Variants in TECR observed in about 807,000 individuals in gnomAD.
TECR encodes very-long-chain enoyl-CoA reductase.
Under a neutral mutation model 50.6 loss-of-function variants are expected in TECR, and 19 were observed. That is an observed-to-expected ratio of 0.38 (90% confidence interval 0.26 to 0.55). The LOEUF is 0.55. Among genes scored for constraint, TECR ranks in the 20% least tolerant of loss-of-function variants. The pLI, the probability that TECR is intolerant of heterozygous loss-of-function variation, is 0.79. For missense variants in TECR, 313 were observed against 408.3 expected, an observed-to-expected ratio of 0.77 and a Z score of 2.01; for synonymous variants, 168 against 163.5, an observed-to-expected ratio of 1.03 and a Z score of -0.21.
At chr19:14,555,165 A>T (rs538368841) in intron 1 of TECR, among the ~76,000 whole-genome samples, 1 of 151,498 alleles carries the variant, frequency 6.6e-6, no homozygotes, top group South Asian at 2.1e-4. Flanking sequence ...TGCAGCCTGG[A>T]ACTCCTAGGC....
At chr19:14,562,712 T>C in intron 2 of TECR, 137 bp downstream of exon 2, 1 of 967,362 alleles carries the variant, frequency 1.0e-6, no homozygotes, top group Non-Finnish European at 1.6e-6. Flanking sequence ...TCACTTGGGG[T>C]AGGGTGGATA....
intron 7 of TECR, among the ~76,000 whole-genome samples, 200 bp downstream of exon 7, chr19:14,564,487 G>A (rs1220638867): frequency 1.4e-4 from 2 of 14,208 alleles, no homozygotes; most frequent in African/African-American, 5.4e-4. Flanking sequence ...CCCCGCCCCC[G>A]TCGGGCCCCT....
chr19:14,542,507 A>G (rs1223432557), intron 1 of TECR, among the ~76,000 whole-genome samples: 12 of 151,408 alleles, frequency 7.9e-5, no homozygotes, highest in African/African-American at 2.9e-4. Context: ...GATTACAGGC[A>G]TCCACCACCA....
chr19:14,565,834 C>T lies in TECR; in HGVS notation c.890C>T (p.Pro297Leu). 4.4e-6 allele frequency: 7 copies of T among 1,597,488 alleles called. No individual in the cohort carries two copies. The highest frequency in any genetic ancestry group is 6.0e-6 in the Non-Finnish European group (7 of 1,173,490). Residue 297 changes from proline (P) to leucine (L), a missense_variant, in exon 13 of 13, where the codon CCG becomes CTG. Physicochemically the swap from Pro to Leu is moderately conservative, Grantham distance 98 (BLOSUM62 -3). Coordinates refer to ENST00000215567, the MANE Select transcript of TECR (RefSeq NM_138501.6). The part of the protein sequence containing the change: ...RSYLKEFRDY[P>L]PLRMPIIPFL... ...TACCTGAAGGAGTTCCGGGACTACC[C>T]GCCCCTGCGCATGCCCATCATCCCC...
At chr19:14,562,126 G>T (rs1568427331) in intron 1 of TECR, 1 of 539,192 alleles carries the variant, frequency 1.9e-6, no homozygotes, top group African/African-American at 1.9e-5. Flanking sequence ...GAGAAGGTCT[G>T]TGGCATGGCT....
At chr19:14,546,724 G>C (rs894071679) in intron 1 of TECR, among the ~76,000 whole-genome samples, 2 of 151,988 alleles carry the variant, frequency 1.3e-5, no homozygotes, top group Admixed American at 1.3e-4. Flanking sequence ...TTGCTCTGTT[G>C]CCCTGGCTGG....
intron 1 of TECR, among the ~76,000 whole-genome samples, chr19:14,546,986 C>T (rs1244303437): frequency 1.3e-5 from 2 of 152,154 alleles, no homozygotes; most frequent in Non-Finnish European, 2.9e-5. Flanking sequence ...TGAGCCACTG[C>T]ACCCAGCCTA....
rs566772231 is a variant in TECR, at chr19:14,557,127, T to TTATGTATG, written c.16-5395_16-5394insGTATGTAT. On this transcript the variant is annotated intron_variant, in intron 1 of 12. Transcript: ENST00000215567. ...TGTTGGTCTAATCTTATTTATTTATTTATTTATTTATTTATTTATTTATTT... is the reference window on the plus strand; with the variant it reads ...TGTTGGTCTAATCTTATTTATTTATTTATGTATGTATTTATTTATTTATTTATTTATTT... Among the ~76,000 whole-genome samples the TTATGTATG allele has an allele frequency of 6.7e-5, 8 of 119,142 alleles. 1 individual carries two copies. The highest frequency in any genetic ancestry group is 4.9e-4 in the South Asian group (2 of 4,104). 78.2% of individuals were successfully genotyped at this position (119,142 alleles called of 152,430 possible).
intron 1 of TECR, among the ~76,000 whole-genome samples, chr19:14,558,044 C>T (rs1004369825): frequency 6.6e-6 from 1 of 152,178 alleles, no homozygotes; most frequent in Non-Finnish European, 1.5e-5. Flanking sequence ...CGTGAGCCAC[C>T]ACGCCCGGCC....
intron 1 of TECR, chr19:14,530,124 ATT>A (rs2072572150): frequency 6.7e-6 from 2 of 299,016 alleles, no homozygotes; most frequent in Admixed American, 4.6e-5. Flanking sequence ...TGCTATCAGT[ATT>A]CTTGTGTACG....
chr19:14,556,413 A>AAAAAAAAC (rs142293376), intron 1 of TECR, among the ~76,000 whole-genome samples: 2 of 86,514 alleles, frequency 2.3e-5, no homozygotes, highest in Non-Finnish European at 3.2e-5. Context: ...TCTCTCAAAA[A>AAAAAAAAC]AAAAACAAAA....
At chr19:14,528,648 T>G (rs1452617418), upstream of TECR, among the ~76,000 whole-genome samples, 9 of 151,436 alleles carry the variant, frequency 5.9e-5, no homozygotes, top group African/African-American at 2.2e-4. Context: ...CGGAGCAAAG[T>G]GTGGAGGGGG....
At chr19:14,547,058 CAT>C (rs1378109632) in intron 1 of TECR, among the ~76,000 whole-genome samples, 4 of 152,112 alleles carry the variant, frequency 2.6e-5, no homozygotes, top group African/African-American at 9.7e-5. Flanking sequence ...CAGTCATAAA[CAT>C]GTATTATAAT....
intron 1 of TECR, among the ~76,000 whole-genome samples, chr19:14,536,941 C>G (rs2072918724): frequency 7.1e-6 from 1 of 141,708 alleles, no homozygotes; most frequent in Admixed American, 7.5e-5. Context: ...GACCTCTGGA[C>G]ACGGGGCAGA....
Position 14,563,810 on chromosome 19 carries a change from C to A in TECR, c.174C>A (p.Ser58=), listed in dbSNP as rs1190098588. Reference sequence around the variant, plus strand: ...CCCGCCTCTCTGCAGAGGGCAAGTCCCTGAAGGATGAGGATGTTCTGCAGA... The same window carrying A: ...CCCGCCTCTCTGCAGAGGGCAAGTCACTGAAGGATGAGGATGTTCTGCAGA... ...QSLRLDPKGK[S]LKDEDVLQKL... Residue 58 remains serine, a synonymous_variant, in exon 5 of 13, where the codon TCC becomes TCA. Coordinates refer to ENST00000215567, the MANE Select transcript of TECR (RefSeq NM_138501.6). The surrounding 1 kb of genome is among the most constrained non-coding windows in gnomAD (Gnocchi z 5.3). 1 of 1,613,858 alleles carries A rather than the reference C, an allele frequency of 6.2e-7. No individual in the cohort carries two copies. The highest frequency in any genetic ancestry group is 8.5e-7 in the Non-Finnish European group (1 of 1,179,938).
At chr19:14,556,714 G>T (rs1042986742) in intron 1 of TECR, among the ~76,000 whole-genome samples, 5 of 152,172 alleles carry the variant, frequency 3.3e-5, no homozygotes, top group Non-Finnish European at 7.3e-5. Flanking sequence ...CAGGGTTAAG[G>T]TCCCATTCTG....
intron 1 of TECR, among the ~76,000 whole-genome samples, chr19:14,542,356 T>TGG (rs2073129471): frequency 8.2e-6 from 1 of 121,924 alleles, no homozygotes; most frequent in African/African-American, 3.3e-5. Flanking sequence ...TGTTTTTTTT[T>TGG]TTTTTTTTTT....
At chr19:14,542,531 T>C (rs1293800278) in intron 1 of TECR, among the ~76,000 whole-genome samples, 1 of 151,734 alleles carries the variant, frequency 6.6e-6, no homozygotes, top group Non-Finnish European at 1.5e-5. Flanking sequence ...CCGGCTAATT[T>C]TTTTATTTTT....
chr19:14,540,262 GT>G (rs1319376798), intron 1 of TECR, among the ~76,000 whole-genome samples: 1 of 151,714 alleles, frequency 6.6e-6, no homozygotes, highest in African/African-American at 2.4e-5. Flanking sequence ...TAGAGACAGG[GT>G]TTCACTGTGT....
Sources: gnomAD v4.1 joint callset for allele counts (sites outside exome capture counted in the v4.1 genomes callset) on GRCh38, gnomAD v4.1.1 for gene constraint, Gnocchi (gnomAD v3.1) non-coding constraint, MANE v1.5 for transcripts, NCBI Gene and HGNC (gene_info 2026-07-23, HGNC 2026-07-21) for gene names.